HPSE2: variants seen among roughly 807,000 people sequenced by gnomAD.
HPSE2 encodes the protein inactive heparanase-2.
HPSE2 carries 38 observed loss-of-function variants against 60.5 expected under a neutral mutation model. The observed-to-expected ratio is 0.63, with a 90% CI of 0.48 to 0.82. The LOEUF is 0.82. Among genes scored for constraint, HPSE2 ranks in the 40% least tolerant of loss-of-function variants. The probability of loss-of-function intolerance (pLI) is 0.00; values close to 1 mark genes in which losing one functional copy is unlikely to be tolerated. For synonymous variants in HPSE2, 295 were observed against 293.2 expected (o/e 1.01, Z -0.06); for missense variants, 713 against 740.4 (o/e 0.96, Z 0.43).
At chr10:99,255,331 G>A in the HPSE2 span, among the ~76,000 whole-genome samples, 5 of 152,248 alleles carry the variant, frequency 3.3e-5, no homozygotes, top group South Asian at 8.3e-4. Context: ...AACTCTTCGA[G>A]GAAGTAGGAG....
the HPSE2 span, among the ~76,000 whole-genome samples, chr10:99,300,037 A>AT: frequency 6.6e-6 from 1 of 151,426 alleles, no homozygotes; most frequent in Non-Finnish European, 1.5e-5. Flanking sequence ...GCAAAAAAAA[A>AT]AAAAAAGAAT....
At chr10:98,701,644 A>G (rs573824167) in intron 5 of HPSE2, among the ~76,000 whole-genome samples, 904 of 50,636 alleles carry the variant, frequency 0.018, 5 homozygotes, top group African/African-American at 0.038. Flanking sequence ...GTATAATAAT[A>G]ATAAAATAAA....
intron 9 of HPSE2, among the ~76,000 whole-genome samples, chr10:98,517,444 GA>G (rs1441060428): frequency 6.6e-6 from 1 of 152,118 alleles, no homozygotes; most frequent in Non-Finnish European, 1.5e-5. Context: ...CCTTCCCATA[GA>G]ACATCAGAGA....
chr10:99,024,289 A>G (rs1321993205), intron 3 of HPSE2, among the ~76,000 whole-genome samples: 1 of 152,212 alleles, frequency 6.6e-6, no homozygotes, highest in African/African-American at 2.4e-5. Flanking sequence ...AAATACACAG[A>G]GGAGACAAAA....
intron 6 of HPSE2, among the ~76,000 whole-genome samples, chr10:98,649,593 T>C (rs1271241326): frequency 6.6e-6 from 1 of 152,244 alleles, no homozygotes; most frequent in East Asian, 1.9e-4. Context: ...CTAAACAATA[T>C]TGAACTAAGT....
At chr10:98,745,537 C>T (rs1949609065) in intron 3 of HPSE2, among the ~76,000 whole-genome samples, 1 of 152,180 alleles carries the variant, frequency 6.6e-6, no homozygotes, top group Admixed American at 6.5e-5. Flanking sequence ...CAACTTTAGG[C>T]CTCCCTATTT....
At chr10:98,713,225 C>G (rs1231836373) in intron 5 of HPSE2, among the ~76,000 whole-genome samples, 1 of 151,782 alleles carries the variant, frequency 6.6e-6, no homozygotes, top group African/African-American at 2.4e-5. Context: ...ATTGTAAAGC[C>G]CTGCAGGCCA....
At chr10:98,736,599 T>C (rs1348920572) in intron 4 of HPSE2, among the ~76,000 whole-genome samples, 1 of 152,246 alleles carries the variant, frequency 6.6e-6, no homozygotes, top group Non-Finnish European at 1.5e-5. Context: ...TGCATTAATT[T>C]ATACTTTTAT....
intron 6 of HPSE2, among the ~76,000 whole-genome samples, chr10:98,658,987 G>A (rs528103130): frequency 1.3e-5 from 2 of 150,524 alleles, no homozygotes; most frequent in Admixed American, 6.6e-5. Context: ...ATTTAGTGAC[G>A]TTTAGTACAT....
intron 11 of HPSE2, among the ~76,000 whole-genome samples, chr10:98,467,666 G>C (rs1940598290): frequency 6.6e-6 from 1 of 152,200 alleles, no homozygotes; most frequent in African/African-American, 2.4e-5. Flanking sequence ...TGACTTCGGG[G>C]TGGCACCCAG....
At chr10:99,109,424 T>C (rs1307907530) in intron 3 of HPSE2, among the ~76,000 whole-genome samples, 1 of 152,142 alleles carries the variant, frequency 6.6e-6, no homozygotes, top group Non-Finnish European at 1.5e-5. Flanking sequence ...CCTAGAGTAC[T>C]AAATGCTAAA....
At chr10:98,958,634 T>G (rs1014241344) in intron 3 of HPSE2, among the ~76,000 whole-genome samples, 3 of 152,066 alleles carry the variant, frequency 2.0e-5, no homozygotes, top group African/African-American at 7.2e-5. Flanking sequence ...AACTAAAGAT[T>G]AAATTTCTTG....
chr10:99,119,521 G>A (rs1295303823), intron 3 of HPSE2, among the ~76,000 whole-genome samples: 1 of 152,152 alleles, frequency 6.6e-6, no homozygotes, highest in African/African-American at 2.4e-5. Context: ...ACTGCCCAAA[G>A]CAATTTATAG....
At chr10:98,623,821 T>G (rs1324144803) in intron 7 of HPSE2, among the ~76,000 whole-genome samples, 1 of 151,348 alleles carries the variant, frequency 6.6e-6, no homozygotes, top group Non-Finnish European at 1.5e-5. Flanking sequence ...TTCTGAAATT[T>G]AAAACAACAA....
Position 98,853,547 on chromosome 10 carries a change from G to A in HPSE2, c.611-109491C>T, listed in dbSNP as rs557985235. ...TTTCTTTTCATCTCGTCCCTTTTCC[G>A]CACATATCATTAGGAAAAATGTTTT... On this transcript the variant is annotated intron_variant, in intron 3 of 11. Transcript: ENST00000370552. Among the ~76,000 whole-genome samples the A allele has an allele frequency of 4.9e-4, 73 of 150,006 alleles. No individual in the cohort carries two copies. In the South Asian group the frequency reaches 5.5e-3, roughly 11 times the overall value.
At chr10:99,264,430 C>A in the HPSE2 span, among the ~76,000 whole-genome samples, 4 of 152,130 alleles carry the variant, frequency 2.6e-5, no homozygotes, top group African/African-American at 9.7e-5. Flanking sequence ...CAATTGCTGG[C>A]TTTGCATTTC....
At chr10:98,680,378 C>T (rs577898412) in intron 6 of HPSE2, among the ~76,000 whole-genome samples, 3 of 152,174 alleles carry the variant, frequency 2.0e-5, no homozygotes, top group South Asian at 4.1e-4. Flanking sequence ...GAAATAAATA[C>T]AAGTGATGAT....
At chr10:98,482,881 G>A (rs909121184) in intron 10 of HPSE2, 99 bp from the exon 11 acceptor site, 7 of 1,317,230 alleles carry the variant, frequency 5.3e-6, no homozygotes, top group African/African-American at 2.9e-5. Flanking sequence ...GAACAGCCCT[G>A]AAAATGGCAC....
chr10:98,655,816 A>C (rs138729747), intron 6 of HPSE2, among the ~76,000 whole-genome samples: 1 of 152,084 alleles, frequency 6.6e-6, no homozygotes, highest in Non-Finnish European at 1.5e-5. Flanking sequence ...GTAAGGAATA[A>C]AGGCACATGT....
Sources: gnomAD v4.1 joint callset for allele counts (sites outside exome capture counted in the v4.1 genomes callset) on GRCh38, gnomAD v4.1.1 for gene constraint, MANE v1.5 for transcripts, NCBI Gene and HGNC (gene_info 2026-07-23, HGNC 2026-07-21) for gene names.